RAP1A: variants seen among roughly 807,000 people sequenced by gnomAD.
The protein encoded by RAP1A is ras-related protein Rap-1A.
RAP1A carries 6 observed loss-of-function variants against 26.4 expected under a neutral mutation model. The ratio of observed to expected loss-of-function variants is 0.23; its 90% CI spans 0.12 to 0.45. RAP1A has a LOEUF of 0.45. RAP1A is among the 20% of genes least tolerant of loss of function. The pLI is 0.99. For missense variants in RAP1A, 121 were observed against 217.2 expected (o/e 0.56, Z 2.78); for synonymous variants, 73 against 79.4 (o/e 0.92, Z 0.43).
At chr1:111,684,458 A>G (rs1661405424) in intron 1 of RAP1A, among the ~76,000 whole-genome samples, 1 of 152,254 alleles carries the variant, frequency 6.6e-6, no homozygotes, top group Admixed American at 6.5e-5. Flanking sequence ...TCAGGATACA[A>G]AATCAATGTG....
At chr1:111,558,794 C>T (rs1657617671) in intron 1 of RAP1A, among the ~76,000 whole-genome samples, 1 of 151,940 alleles carries the variant, frequency 6.6e-6, no homozygotes, top group African/African-American at 2.4e-5. Context: ...ACAAATACAC[C>T]ACCATTGTGA....
At chr1:111,558,739 T>G (rs1247050053) in intron 1 of RAP1A, among the ~76,000 whole-genome samples, 3 of 152,174 alleles carry the variant, frequency 2.0e-5, no homozygotes, top group African/African-American at 7.2e-5. Flanking sequence ...CCTAATAAAA[T>G]TTAAACTATG....
intron 1 of RAP1A, among the ~76,000 whole-genome samples, chr1:111,552,672 TTTA>T (rs1657316678): frequency 6.6e-6 from 1 of 152,220 alleles, no homozygotes; most frequent in Admixed American, 6.5e-5. Flanking sequence ...TGAGAGGCAA[TTTA>T]TTATACTATT....
Position 111,707,251 on chromosome 1 carries a change from G to A in RAP1A, c.469-1898G>A, listed in dbSNP as rs147841673. Among the ~76,000 whole-genome samples, 22 of 152,166 alleles carry A rather than the reference G, an allele frequency of 1.4e-4. No homozygotes were observed. In the East Asian group the frequency reaches 4.1e-3, roughly 28 times the overall value. ...TTTTTTTAACGGTTAATTTAGTCTT[G>A]TAGTCTGGACCATTTAAAAAAGGAA... On this transcript the variant is annotated intron_variant, in intron 6 of 7. Coordinates refer to ENST00000369709, the MANE Select transcript of RAP1A (RefSeq NM_002884.4).
At chr1:111,634,894 C>T (rs1022294241) in intron 1 of RAP1A, among the ~76,000 whole-genome samples, 2 of 152,120 alleles carry the variant, frequency 1.3e-5, no homozygotes, top group Non-Finnish European at 2.9e-5. Context: ...CTACCCGCCT[C>T]GGCCTCCCAA....
chr1:111,668,699 T>C (rs1023758947), intron 1 of RAP1A, among the ~76,000 whole-genome samples: 14 of 152,138 alleles, frequency 9.2e-5, no homozygotes, highest in Non-Finnish European at 1.3e-4. Flanking sequence ...AAGTTACAAA[T>C]AGCTTTTTTG....
intron 1 of RAP1A, among the ~76,000 whole-genome samples, chr1:111,624,018 T>C (rs1659311920): frequency 6.6e-6 from 1 of 152,230 alleles, no homozygotes; most frequent in African/African-American, 2.4e-5. Flanking sequence ...TCAATGAAAA[T>C]AACTAATGTA....
chr1:111,610,060 A>G (rs1173829964), intron 1 of RAP1A, among the ~76,000 whole-genome samples: 1 of 152,192 alleles, frequency 6.6e-6, no homozygotes, highest in Non-Finnish European at 1.5e-5. Flanking sequence ...ATGACCTTAC[A>G]GCCAAAAATG....
intron 1 of RAP1A, among the ~76,000 whole-genome samples, chr1:111,610,071 A>G (rs1011362804): frequency 2.0e-5 from 3 of 152,196 alleles, no homozygotes; most frequent in African/African-American, 7.2e-5. Flanking sequence ...GCCAAAAATG[A>G]TTGACTCCCT....
chr1:111,603,263 G>A (rs1208286322), intron 1 of RAP1A, among the ~76,000 whole-genome samples: 1 of 152,196 alleles, frequency 6.6e-6, no homozygotes, highest in Non-Finnish European at 1.5e-5. Context: ...TTCCTGGAAC[G>A]CCACCGATCT....
intron 1 of RAP1A, among the ~76,000 whole-genome samples, chr1:111,689,701 G>A (rs1375454686): frequency 2.0e-5 from 3 of 151,648 alleles, no homozygotes; most frequent in South Asian, 4.2e-4. Flanking sequence ...ACGCAGTCTC[G>A]CTCTGTCGCC....
intron 1 of RAP1A, among the ~76,000 whole-genome samples, chr1:111,690,310 C>T (rs1237651258): frequency 6.6e-6 from 1 of 152,196 alleles, no homozygotes; most frequent in African/African-American, 2.4e-5. Context: ...GGAATTGTTC[C>T]ACCTGTAAAT....
chr1:111,620,709 T>C (rs1659175284), intron 1 of RAP1A, among the ~76,000 whole-genome samples: 1 of 152,210 alleles, frequency 6.6e-6, no homozygotes. Flanking sequence ...TTTTCATGGG[T>C]CTCTGCTTCT....
At chr1:111,591,296 C>A (rs1286774857) in intron 1 of RAP1A, among the ~76,000 whole-genome samples, 1 of 151,964 alleles carries the variant, frequency 6.6e-6, no homozygotes, top group Non-Finnish European at 1.5e-5. Context: ...TTCTCCTGAT[C>A]CTTTCTATCA....
intron 4 of RAP1A, 126 bp from the exon 5 acceptor site, chr1:111,703,210 C>G (rs1230399198): frequency 1.7e-6 from 1 of 602,392 alleles, no homozygotes; most frequent in African/African-American, 1.9e-5. Flanking sequence ...TGTGTTATGT[C>G]TTGTTTTCTG....
At chr1:111,576,339 A>T (rs548184957) in intron 1 of RAP1A, among the ~76,000 whole-genome samples, 200 of 152,330 alleles carry the variant, frequency 1.3e-3, no homozygotes, top group Non-Finnish European at 2.3e-3. Flanking sequence ...GAAAATACTC[A>T]GTAAATTGAA....
intron 1 of RAP1A, among the ~76,000 whole-genome samples, chr1:111,643,145 T>C (rs567935523): frequency 6.6e-6 from 1 of 152,308 alleles, no homozygotes; most frequent in South Asian, 2.1e-4. Flanking sequence ...GTTGCAGATA[T>C]TCAACTCTGC....
At chr1:111,654,545 G>A (rs766061403) in intron 1 of RAP1A, among the ~76,000 whole-genome samples, 58 of 152,214 alleles carry the variant, frequency 3.8e-4, no homozygotes, top group South Asian at 8.3e-4. Flanking sequence ...TCTGTAGGTC[G>A]TATGTTTTCT....
In RAP1A at chr1:111,693,399, A is replaced by G. The variant is rs556459400; in HGVS notation, c.58-1942A>G. Reference sequence around the variant, plus strand: ...TTTTTGTTTTAGAATTGGAGATAGTAAAGCATATTTGTATGCTGGGGGCAA... The same window carrying G: ...TTTTTGTTTTAGAATTGGAGATAGTGAAGCATATTTGTATGCTGGGGGCAA... On this transcript the variant is annotated intron_variant, in intron 2 of 7. Coordinates refer to ENST00000369709, the MANE Select transcript of RAP1A (RefSeq NM_002884.4). Among the ~76,000 whole-genome samples, 6 of 152,244 alleles carry G rather than the reference A, an allele frequency of 3.9e-5. No individual in the cohort carries two copies. In the South Asian group the frequency reaches 1.2e-3, roughly 32 times the overall value.
Sources: gnomAD v4.1 joint callset for allele counts (sites outside exome capture counted in the v4.1 genomes callset) on GRCh38, gnomAD v4.1.1 for gene constraint, MANE v1.5 for transcripts, NCBI Gene and HGNC (gene_info 2026-07-23, HGNC 2026-07-21) for gene names.